Variants in MAP3K9 observed in about 807,000 individuals in gnomAD.
MAP3K9 encodes mixed lineage kinase 1 (tyr and ser/thr specificity).
A neutral mutation model predicts 95.8 loss-of-function variants in MAP3K9; 46 were observed. The ratio of observed to expected loss-of-function variants is 0.48; its 90% CI spans 0.38 to 0.61. MAP3K9 has a LOEUF of 0.61. Ranked by LOEUF, MAP3K9 falls within the 20% of genes least tolerant of loss-of-function variation. The pLI is 0.00. For synonymous variants in MAP3K9, 533 were observed against 593.8 expected, an observed-to-expected ratio of 0.90 and a Z score of 1.49; for missense variants, 1,296 against 1,474.3, an observed-to-expected ratio of 0.88 and a Z score of 1.98.
At chr14:70,781,021 T>A (rs2054668667) in intron 2 of MAP3K9, among the ~76,000 whole-genome samples, 1 of 152,206 alleles carries the variant, frequency 6.6e-6, no homozygotes, top group African/African-American at 2.4e-5. Flanking sequence ...TTCAAAGTGG[T>A]CCATCATCTC....
chr14:70,762,631 A>G (rs915449355), intron 2 of MAP3K9, among the ~76,000 whole-genome samples: 1 of 152,170 alleles, frequency 6.6e-6, no homozygotes, highest in Non-Finnish European at 1.5e-5. Flanking sequence ...AGAGCTCTTC[A>G]TATATTCTGA....
chr14:70,761,135 G>C lies in MAP3K9; in HGVS notation c.868C>G (p.Leu290Val). The change falls in exon 3 of 12, where the codon CTG becomes GTG. Residue 290 changes from leucine to valine, a missense_variant. Physicochemically the swap from Leu to Val is conservative, Grantham distance 32 (BLOSUM62 1). This residue lies in a region of MAP3K9 where 136 missense variants were observed against 221.5 expected (regional missense o/e 0.61). Coordinates refer to ENST00000554752, the MANE Select transcript of MAP3K9 (RefSeq NM_001284230.2). ...VENGDLSNKILKITDFGLARE... is the reference protein window; with the variant it reads ...VENGDLSNKIVKITDFGLARE... ...GCCAGGCCAAAATCAGTGATCTTCA[G>C]AATCTTGTTGCTCAGGTCTCCATTC... is the stretch of plus-strand genomic sequence containing the variant. 6.2e-7 allele frequency: 1 copy of C among 1,614,044 alleles called. No homozygotes were observed. Among genetic ancestry groups the C allele is most frequent in the Middle Eastern group, 1.6e-4 (1 of 6,062 alleles).
Position 70,730,209 on chromosome 14 carries a change from A to C in MAP3K9, c.*171T>G. On this transcript the variant is annotated 3_prime_UTR_variant, in exon 12 of 12. Transcript: ENST00000554752. ...CACGGGTAGAAAGGCCCTGCAGGGC[A>C]GGAGACCCTCTGAAGTGGCCCTGTT... is the stretch of plus-strand genomic sequence containing the variant. 3.2e-6 allele frequency: 3 copies of C among 951,566 alleles called. No homozygotes were observed. The highest frequency in any genetic ancestry group is 4.6e-6 in the Non-Finnish European group (3 of 657,888). The allele number at this position is 951,566 out of a possible 1,614,324, so 58.9% of individuals were successfully genotyped here.
chr14:70,776,183 C>G (rs75952426), intron 2 of MAP3K9, among the ~76,000 whole-genome samples: 2,776 of 152,054 alleles, frequency 0.018, 54 homozygotes, highest in East Asian at 0.094. Context: ...AGCGAGACTC[C>G]GTCTCAAAAT....
intron 8 of MAP3K9, 118 bp downstream of exon 8, chr14:70,738,127 G>T: frequency 8.8e-7 from 1 of 1,130,342 alleles, no homozygotes; most frequent in African/African-American, 1.6e-5. Flanking sequence ...CAAGAAGCTT[G>T]TAATTTCTCA....
chr14:70,763,617 A>G (rs114542310), intron 2 of MAP3K9, among the ~76,000 whole-genome samples: 126 of 151,996 alleles, frequency 8.3e-4, no homozygotes, highest in Middle Eastern at 3.4e-3. Flanking sequence ...TGCAGCCTCA[A>G]TCTCCTGGGC....
rs777561751 is a variant in MAP3K9 at position 70,736,054 on chromosome 14, A to T, written c.1845-25T>A. The T allele has an allele frequency of 3.9e-6, 6 of 1,536,674 alleles. No homozygotes were observed. In the African/African-American group the frequency reaches 8.2e-5, roughly 21 times the overall value. The stretch of plus-strand genomic sequence containing the variant: ...TCTTCAATGAATAAAGAGAATCAGT[A>T]GCAGGCAATGGAGGGCACATCCAGC... On this transcript the variant is annotated intron_variant, in intron 8 of 11. Transcript: ENST00000554752.
chr14:70,767,686 G>A (rs551973959), intron 2 of MAP3K9, among the ~76,000 whole-genome samples: 1 of 152,248 alleles, frequency 6.6e-6, no homozygotes, highest in East Asian at 1.9e-4. Context: ...AAGACAATGT[G>A]ACAAAAGTGA....
chr14:70,798,023 A>G (rs888078888), intron 2 of MAP3K9, among the ~76,000 whole-genome samples: 3 of 152,230 alleles, frequency 2.0e-5, no homozygotes, highest in African/African-American at 7.2e-5. Context: ...CAACTTCTGC[A>G]ATCCTGATGG....
chr14:70,739,747 C>G (rs1178979449), intron 7 of MAP3K9: 1 of 787,800 alleles, frequency 1.3e-6, no homozygotes, highest in Non-Finnish European at 2.0e-6. Flanking sequence ...CCTGTATCCA[C>G]ATCACACACC....
intron 2 of MAP3K9, among the ~76,000 whole-genome samples, chr14:70,789,470 T>C (rs2054783462): frequency 6.6e-6 from 1 of 152,244 alleles, no homozygotes; most frequent in Non-Finnish European, 1.5e-5. Context: ...ATTTACTGAA[T>C]GCAGTGCCTG....
At chr14:70,798,564 C>T (rs1362812295) in intron 2 of MAP3K9, among the ~76,000 whole-genome samples, 10 of 144,666 alleles carry the variant, frequency 6.9e-5, no homozygotes, top group African/African-American at 1.0e-4. Context: ...CTGCAAGCTC[C>T]GCCTCCCGGG....
rs185893478 is a variant in MAP3K9, at chr14:70,745,029, G to A, written c.1327-2438C>T. On this transcript the variant is annotated intron_variant, in intron 5 of 11. Coordinates refer to ENST00000554752, the MANE Select transcript of MAP3K9 (RefSeq NM_001284230.2). Reference sequence around the variant, plus strand: ...GGAGGGGATATAGAATCAGGAAACAGGAAAGAAAACAAAGCATGCCTACAA... The same window carrying A: ...GGAGGGGATATAGAATCAGGAAACAAGAAAGAAAACAAAGCATGCCTACAA... Among the ~76,000 whole-genome samples the A allele has an allele frequency of 1.1e-4, 16 of 152,212 alleles. No individual in the cohort carries two copies. The East Asian group carries it at 2.9e-3, about 28-fold the overall frequency.
At chr14:70,738,088 C>A (rs760627567) in intron 8 of MAP3K9, among the ~76,000 whole-genome samples, 157 bp downstream of exon 8, 1 of 152,120 alleles carries the variant, frequency 6.6e-6, no homozygotes, top group East Asian at 1.9e-4. Flanking sequence ...GTTCCAGGAA[C>A]TTGGAGGGTG....
At chr14:70,770,840 C>T (rs1336167646) in intron 2 of MAP3K9, among the ~76,000 whole-genome samples, 1 of 152,176 alleles carries the variant, frequency 6.6e-6, no homozygotes, top group South Asian at 2.1e-4. Context: ...TACCCCACTC[C>T]CCTCTTTACT....
chr14:70,745,582 A>AT (rs1319229864), intron 5 of MAP3K9, among the ~76,000 whole-genome samples: 1 of 152,164 alleles, frequency 6.6e-6, no homozygotes, highest in Non-Finnish European at 1.5e-5. Flanking sequence ...TACTAAAAAC[A>AT]TAAGAATCAG....
At chr14:70,744,236 C>G (rs1280948767) in intron 5 of MAP3K9, among the ~76,000 whole-genome samples, 1 of 151,996 alleles carries the variant, frequency 6.6e-6, no homozygotes, top group African/African-American at 2.4e-5. Flanking sequence ...GGAAAAATAC[C>G]TAATGTAGGT....
At chr14:70,788,366 T>A (rs1392745973) in intron 2 of MAP3K9, among the ~76,000 whole-genome samples, 1 of 152,240 alleles carries the variant, frequency 6.6e-6, no homozygotes, top group Non-Finnish European at 1.5e-5. Flanking sequence ...TGGGTGCTTA[T>A]TACGTGCCAG....
intron 2 of MAP3K9, among the ~76,000 whole-genome samples, chr14:70,783,064 G>A (rs1475864428): frequency 6.6e-6 from 1 of 152,156 alleles, no homozygotes; most frequent in African/African-American, 2.4e-5. Context: ...TTTTTCCTCA[G>A]TGGGGTCACT....
Sources: allele counts gnomAD v4.1 joint callset (sites outside exome capture counted in the v4.1 genomes callset), GRCh38; gene constraint gnomAD v4.1.1; regional missense constraint gnomAD v4.1.1; transcripts MANE v1.5; gene names NCBI Gene and HGNC (gene_info 2026-07-23, HGNC 2026-07-21).